The following FIP1L1 variants were observed in gnomAD, a reference collection of about 807,000 sequenced individuals.
The protein encoded by FIP1L1 is factor interacting with PAPOLA and CPSF1, also known as pre-mRNA 3'-end-processing factor FIP1.
Under a neutral mutation model 84.6 loss-of-function variants are expected in FIP1L1, and 21 were observed. That is an observed-to-expected ratio of 0.25 (90% CI 0.18 to 0.36). The LOEUF is 0.36. Among genes scored for constraint, FIP1L1 ranks in the 10% least tolerant of loss-of-function variants. The probability of loss-of-function intolerance (pLI) is 1.00; values close to 1 mark genes in which losing one functional copy is unlikely to be tolerated. For missense variants in FIP1L1, 526 were observed against 751.1 expected (o/e 0.70, Z 3.50); for synonymous variants, 263 against 242.3 (o/e 1.09, Z -0.80).
intron 10 of FIP1L1, among the ~76,000 whole-genome samples, chr4:53,404,832 G>C (rs1342675336): frequency 1.3e-5 from 2 of 151,898 alleles, no homozygotes; most frequent in African/African-American, 4.8e-5. Context: ...GTCTGTTCAT[G>C]TCCTTCACCC....
intron 10 of FIP1L1, among the ~76,000 whole-genome samples, chr4:53,404,460 T>C (rs906645899): frequency 8.5e-5 from 13 of 152,138 alleles, no homozygotes; most frequent in African/African-American, 3.1e-4. Flanking sequence ...TGAATAATGC[T>C]GCAATAGACA....
At chr4:53,458,381 TA>T (rs1009629377) in intron 16 of FIP1L1, among the ~76,000 whole-genome samples, 1 of 152,144 alleles carries the variant, frequency 6.6e-6, no homozygotes, top group Non-Finnish European at 1.5e-5. Flanking sequence ...ATTGTTATAT[TA>T]AATCTTTTTA....
intron 13 of FIP1L1, among the ~76,000 whole-genome samples, chr4:53,439,085 C>T (rs138917120): frequency 3.4e-4 from 51 of 152,072 alleles, no homozygotes; most frequent in Admixed American, 1.4e-3. Context: ...AAGTAGTGTC[C>T]GTATTGTTCT....
chr4:53,455,468 TA>T (rs1443554258), intron 16 of FIP1L1, among the ~76,000 whole-genome samples: 1 of 152,160 alleles, frequency 6.6e-6, no homozygotes, highest in Non-Finnish European at 1.5e-5. Flanking sequence ...GTAGGGTTAT[TA>T]ATTGGCCTCA....
intron 13 of FIP1L1, chr4:53,442,128 T>G (rs1245393314): frequency 6.5e-6 from 1 of 152,750 alleles, no homozygotes; most frequent in African/African-American, 2.4e-5. Context: ...TAAAACAGTT[T>G]GTTAGGGTTG....
chr4:53,379,437 C>G (rs568098579), intron 3 of FIP1L1, among the ~76,000 whole-genome samples, 173 bp downstream of exon 3: 3 of 152,164 alleles, frequency 2.0e-5, no homozygotes, highest in Admixed American at 1.3e-4. Context: ...CCTAATCTTA[C>G]GCCAATTCTA....
At chr4:53,383,676 A>G (rs1739304401) in intron 4 of FIP1L1, 97 bp from the exon 5 acceptor site, 3 of 870,398 alleles carry the variant, frequency 3.4e-6, no homozygotes, top group East Asian at 3.8e-5. Context: ...CAGAAGAAAG[A>G]AAAAAAAAAA....
At chr4:53,458,182 T>C (rs2150490996) in intron 16 of FIP1L1, among the ~76,000 whole-genome samples, 1 of 152,314 alleles carries the variant, frequency 6.6e-6, no homozygotes, top group African/African-American at 2.4e-5. Context: ...GCTTTCTGTT[T>C]TGTAGTAATT....
At chr4:53,404,377 T>C (rs918892230) in intron 10 of FIP1L1, among the ~76,000 whole-genome samples, 4 of 152,092 alleles carry the variant, frequency 2.6e-5, no homozygotes, top group Admixed American at 2.6e-4. Context: ...TTCCATGGTG[T>C]ATATGTGCCA....
At chr4:53,399,588 T>A (rs1749178192) in intron 9 of FIP1L1, 142 bp from the exon 10 acceptor site, 1 of 596,142 alleles carries the variant, frequency 1.7e-6, no homozygotes, top group Non-Finnish European at 2.9e-6. Context: ...TAAAATAGGC[T>A]AATTTTAATA....
Position 53,414,719 on chromosome 4 carries a change from T to A in FIP1L1, c.920T>A (p.Leu307Gln). The A allele has an allele frequency of 6.2e-7, 1 of 1,604,630 alleles. No individual in the cohort carries two copies. The highest frequency in any genetic ancestry group is 8.5e-7 in the Non-Finnish European group (1 of 1,171,948). ...DRYGRAESPD[L>Q]RRLPGAIDVI... The stretch of plus-strand genomic sequence containing the variant: ...TATGGGAGGGCCGAATCACCTGATC[T>A]AAGGTAAGGCTATTTTTAAACATTG... The change falls in exon 11 of 18, where the codon CTA (leucine) becomes CAA (glutamine). Residue 307 changes from leucine (L) to glutamine (Q), a missense_variant. By Grantham distance (113) the Leu-to-Gln change is moderately radical. Around this residue, in one of 6 missense-constraint regions of FIP1L1, gnomAD observed 80 missense variants for 151.1 expected, o/e 0.53. Coordinates refer to ENST00000337488, the MANE Select transcript of FIP1L1 (RefSeq NM_030917.4).
intron 13 of FIP1L1, among the ~76,000 whole-genome samples, chr4:53,441,524 TGTG>T (rs527845191): frequency 1.6e-4 from 25 of 152,088 alleles, no homozygotes; most frequent in African/African-American, 5.1e-4. Flanking sequence ...TTAGGACTAA[TGTG>T]GTAATTGCCA....
At chr4:53,448,639 G>T (rs1169214045) in intron 15 of FIP1L1, among the ~76,000 whole-genome samples, 1 of 152,104 alleles carries the variant, frequency 6.6e-6, no homozygotes, top group Non-Finnish European at 1.5e-5. Flanking sequence ...CACAGTAAGT[G>T]GCAGAGTCAG....
chr4:53,377,983 A>G, intron 1 of FIP1L1, 60 bp downstream of exon 1: 1 of 1,387,294 alleles, frequency 7.2e-7, no homozygotes, highest in Admixed American at 2.5e-5. Flanking sequence ...TTGGCCCTCA[A>G]ACGGCCGGCG....
chr4:53,388,162 C>T (rs994522699), intron 5 of FIP1L1, among the ~76,000 whole-genome samples: 10 of 152,002 alleles, frequency 6.6e-5, no homozygotes, highest in Admixed American at 2.6e-4. Flanking sequence ...TGTAACTAAA[C>T]CTAAGTCTTA....
rs140681259 is a variant in FIP1L1 at position 53,459,697 on chromosome 4, C to T, written c.*248C>T. 4.9e-5 allele frequency: 25 copies of T among 509,846 alleles called. No homozygotes were observed. In the East Asian group the frequency reaches 7.7e-4, roughly 16 times the overall value. The allele number at this position is 509,846 out of a possible 1,614,324, so 31.6% of individuals were successfully genotyped here. A position where few individuals can be genotyped will look rare whatever the true frequency, so the allele number is the denominator to read the frequency against. On this transcript the variant is annotated 3_prime_UTR_variant, in exon 18 of 18. Coordinates refer to ENST00000337488, the MANE Select transcript of FIP1L1 (RefSeq NM_030917.4). ...CCAAGAAAGGAATGTGAATGAGTCACTTAACAGGGAATCTAAAGAGCTGTG... is the reference window on the plus strand; with the variant it reads ...CCAAGAAAGGAATGTGAATGAGTCATTTAACAGGGAATCTAAAGAGCTGTG...
intron 9 of FIP1L1, among the ~76,000 whole-genome samples, chr4:53,395,220 C>G (rs947851762): frequency 6.6e-6 from 1 of 151,998 alleles, no homozygotes; most frequent in African/African-American, 2.4e-5. Context: ...AGAAAGGTTG[C>G]TAGAATAGTG....
chr4:53,441,391 A>G (rs1771870322), intron 13 of FIP1L1, among the ~76,000 whole-genome samples: 1 of 151,946 alleles, frequency 6.6e-6, no homozygotes, highest in African/African-American at 2.4e-5. Flanking sequence ...TGGAATACAG[A>G]CATTGATTAT....
At chr4:53,416,929 C>G (rs961084294) in intron 11 of FIP1L1, among the ~76,000 whole-genome samples, 2 of 151,818 alleles carry the variant, frequency 1.3e-5, no homozygotes, top group Non-Finnish European at 2.9e-5. Flanking sequence ...TGCCACTGCA[C>G]GCCATCCTGG....
Sources: allele counts gnomAD v4.1 joint callset (sites outside exome capture counted in the v4.1 genomes callset), GRCh38; gene constraint gnomAD v4.1.1; regional missense constraint gnomAD v4.1.1; transcripts MANE v1.5; gene names NCBI Gene and HGNC (gene_info 2026-07-23, HGNC 2026-07-21).